GNAO1: variants seen among roughly 807,000 people sequenced by gnomAD.
GNAO1 encodes the protein guanine nucleotide-binding protein G(o) subunit alpha.
For missense variants in GNAO1, 166 were observed against 478.7 expected (o/e 0.35, Z 6.10); for synonymous variants, 164 against 180.7 (o/e 0.91, Z 0.74).
In GNAO1 at chr16:56,227,084, G is replaced by A. The variant is rs72814439; in HGVS notation, c.161+34468G>A. Among the ~76,000 whole-genome samples, 201 of 152,298 alleles carry A rather than the reference G, an allele frequency of 1.3e-3. 1 individual carries two copies. The highest frequency in any genetic ancestry group is 2.6e-3 in the Non-Finnish European group (174 of 68,018). ...TGTGGCGGGTAGGGAAAAAGAGGAA[G>A]GTGGGGAGGGGAAACTGTTTGTTTC... is the stretch of plus-strand genomic sequence containing the variant. On this transcript the variant is annotated intron_variant, in intron 2 of 8. Coordinates refer to ENST00000262493, the MANE Select transcript of GNAO1 (RefSeq NM_020988.3).
chr16:56,283,660 G>C (rs1025196225), intron 3 of GNAO1, among the ~76,000 whole-genome samples: 1 of 152,106 alleles, frequency 6.6e-6, no homozygotes, highest in Non-Finnish European at 1.5e-5. Flanking sequence ...AGTCCCCTGG[G>C]GCTTAGAGAT....
intron 2 of GNAO1, among the ~76,000 whole-genome samples, chr16:56,268,383 G>A (rs2036979983): frequency 6.6e-6 from 1 of 152,224 alleles, no homozygotes; most frequent in African/African-American, 2.4e-5. Flanking sequence ...CTCTGGAAGG[G>A]AGGGACCAGG....
chr16:56,211,379 C>T (rs2036385848), intron 2 of GNAO1, among the ~76,000 whole-genome samples: 1 of 152,190 alleles, frequency 6.6e-6, no homozygotes, highest in Non-Finnish European at 1.5e-5. Flanking sequence ...ATGCCTTCTG[C>T]ATTTGAGCAT....
intron 3 of GNAO1, among the ~76,000 whole-genome samples, chr16:56,318,057 G>C (rs892250559): frequency 1.2e-4 from 18 of 152,178 alleles, no homozygotes; most frequent in African/African-American, 2.9e-4. Context: ...ACGTGCGCCC[G>C]GGGTGGCAAT....
At chr16:56,327,121 A>G (rs192434858) in intron 3 of GNAO1, among the ~76,000 whole-genome samples, 1 of 152,232 alleles carries the variant, frequency 6.6e-6, no homozygotes, top group Admixed American at 6.5e-5. Context: ...AATGCTGTCT[A>G]CTGAGCCTCT....
chr16:56,305,866 G>A (rs1197698090), intron 3 of GNAO1, among the ~76,000 whole-genome samples: 3 of 152,160 alleles, frequency 2.0e-5, no homozygotes, highest in Non-Finnish European at 4.4e-5. Flanking sequence ...GTGAGTCTGT[G>A]TCTTAATCTC....
chr16:56,209,026 T>G (rs550355217), intron 2 of GNAO1, among the ~76,000 whole-genome samples: 1 of 152,342 alleles, frequency 6.6e-6, no homozygotes, highest in African/African-American at 2.4e-5. Flanking sequence ...GGTTAGTGTT[T>G]TTTTTGTGTG....
intron 2 of GNAO1, chr16:56,270,595 T>C (rs778921872): frequency 4.6e-5 from 7 of 152,124 alleles, no homozygotes; most frequent in African/African-American, 1.2e-4. Flanking sequence ...CCAGGAGATA[T>C]GGGAAGAAAG....
chr16:56,195,090 TTTTC>T (rs147122200), intron 2 of GNAO1, among the ~76,000 whole-genome samples: 22,068 of 119,350 alleles, frequency 0.18, 1,951 homozygotes, highest in South Asian at 0.29. Flanking sequence ...TTTTTTTTTT[TTTTC>T]CAACCTTACA....
rs556393796 is a variant in GNAO1 at position 56,286,007 on chromosome 16, G to A, written c.303+9935G>A. ...ATTTTAGTTTGCTGAAGGAAGAGGCGCCAGGGACTGAGAAAGGGTTAGGTT... is the reference window on the plus strand; with the variant it reads ...ATTTTAGTTTGCTGAAGGAAGAGGCACCAGGGACTGAGAAAGGGTTAGGTT... On this transcript the variant is annotated intron_variant, in intron 3 of 8. Coordinates refer to ENST00000262493, the MANE Select transcript of GNAO1 (RefSeq NM_020988.3). 1.2e-3 allele frequency among the ~76,000 whole-genome samples: 181 copies of A among 152,308 alleles called. 1 individual carries two copies. Among genetic ancestry groups the A allele is most frequent in the Non-Finnish European group, 5.0e-4 (34 of 68,020 alleles).
chr16:56,294,149 C>T (rs988504533), intron 3 of GNAO1, among the ~76,000 whole-genome samples: 3 of 152,108 alleles, frequency 2.0e-5, no homozygotes, highest in Non-Finnish European at 2.9e-5. Context: ...CCAGGCTCTG[C>T]GAGGGGAGTT....
At chr16:56,256,941 G>T (rs973992778) in intron 2 of GNAO1, among the ~76,000 whole-genome samples, 1 of 152,126 alleles carries the variant, frequency 6.6e-6, no homozygotes, top group Admixed American at 6.5e-5. Flanking sequence ...TTGCAGTGGT[G>T]CAAGGACAGT....
intron 2 of GNAO1, among the ~76,000 whole-genome samples, chr16:56,230,460 C>T (rs901143995): frequency 2.0e-5 from 3 of 152,182 alleles, no homozygotes; most frequent in African/African-American, 7.2e-5. Flanking sequence ...ACCTCTCCAG[C>T]AGATTTTATA....
chr16:56,229,444 G>A (rs1215939151), intron 2 of GNAO1, among the ~76,000 whole-genome samples: 1 of 152,168 alleles, frequency 6.6e-6, no homozygotes, highest in Non-Finnish European at 1.5e-5. Context: ...CTGACTTCAA[G>A]TGATCCACCC....
intron 3 of GNAO1, among the ~76,000 whole-genome samples, chr16:56,312,151 C>A (rs1199114606): frequency 2.6e-5 from 4 of 152,142 alleles, no homozygotes; most frequent in African/African-American, 9.7e-5. Flanking sequence ...AAGACCAGGC[C>A]ACTAAATCAC....
intron 3 of GNAO1, among the ~76,000 whole-genome samples, chr16:56,298,515 G>A (rs1002653627): frequency 4.6e-5 from 7 of 152,310 alleles, no homozygotes; most frequent in Middle Eastern, 3.4e-3. Flanking sequence ...CATTTTAATA[G>A]TGATATGCTT....
rs1245101205 is a variant in GNAO1, at chr16:56,344,246, G to T, written c.724-7138G>T. Reference sequence around the variant, plus strand: ...CGGGAAGCTGGGGGGACAGGGCAGGGCCCAGATGGGCACACCCTGCACCTG... The same window carrying T: ...CGGGAAGCTGGGGGGACAGGGCAGGTCCCAGATGGGCACACCCTGCACCTG... On this transcript the variant is annotated intron_variant, in intron 6 of 8. Coordinates refer to ENST00000262493, the MANE Select transcript of GNAO1 (RefSeq NM_020988.3). 5.9e-6 allele frequency: 8 copies of T among 1,346,312 alleles called. No individual in the cohort carries two copies. The East Asian group carries it at 2.3e-4, about 39-fold the overall frequency. 83.4% of individuals were successfully genotyped at this position (1,346,312 alleles called of 1,614,324 possible).
chr16:56,209,833 C>A (rs979816204), intron 2 of GNAO1, among the ~76,000 whole-genome samples: 2 of 152,092 alleles, frequency 1.3e-5, no homozygotes, highest in Non-Finnish European at 2.9e-5. Flanking sequence ...CAGCCTCCCC[C>A]TTATCAGCAG....
rs550827907 is a variant in GNAO1 at position 56,228,169 on chromosome 16, A to G, written c.161+35553A>G. On this transcript the variant is annotated intron_variant, in intron 2 of 8. Transcript: ENST00000262493. ...CGAAAAGGGAGGCCAGCCTGCATCC[A>G]TCTGCCTCCGTCTGCACAGTTATGT... 3.9e-5 allele frequency among the ~76,000 whole-genome samples: 6 copies of G among 152,304 alleles called. No homozygotes were observed. The South Asian group carries it at 1.2e-3, about 32-fold the overall frequency.
Sources: gnomAD v4.1 joint callset for allele counts (sites outside exome capture counted in the v4.1 genomes callset) on GRCh38, gnomAD v4.1.1 for gene constraint, MANE v1.5 for transcripts, NCBI Gene and HGNC (gene_info 2026-07-23, HGNC 2026-07-21) for gene names.